RFTN1: variants seen among roughly 807,000 people sequenced by gnomAD.
RFTN1 encodes raftlin.
A neutral mutation model predicts 46.5 loss-of-function variants in RFTN1; 26 were observed. The ratio of observed to expected loss-of-function variants is 0.56; its 90% CI spans 0.41 to 0.78. The LOEUF (loss-of-function observed/expected upper bound fraction) is 0.78, where lower values mean the gene tolerates loss of function less well. Ranked by LOEUF, RFTN1 falls within the 30% of genes least tolerant of loss-of-function variation. The probability of loss-of-function intolerance (pLI) is 0.00; values close to 1 mark genes in which losing one functional copy is unlikely to be tolerated. For missense variants in RFTN1, 693 were observed against 718.7 expected (o/e 0.96, Z 0.41); for synonymous variants, 261 against 284.2 (o/e 0.92, Z 0.82).
chr3:16,392,680 C>CAT (rs56680725), intron 4 of RFTN1, among the ~76,000 whole-genome samples: 1,587 of 150,138 alleles, frequency 0.011, 22 homozygotes, highest in African/African-American at 0.035. Flanking sequence ...CACACACACA[C>CAT]ATATATATAT....
chr3:16,453,968 A>G (rs1559355391), intron 2 of RFTN1, among the ~76,000 whole-genome samples: 1 of 152,222 alleles, frequency 6.6e-6, no homozygotes, highest in Non-Finnish European at 1.5e-5. Flanking sequence ...TCCATATCCC[A>G]GGACTTCCTT....
At chr3:16,492,882 C>T (rs1306971019) in intron 2 of RFTN1, among the ~76,000 whole-genome samples, 1 of 152,236 alleles carries the variant, frequency 6.6e-6, no homozygotes, top group Non-Finnish European at 1.5e-5. Flanking sequence ...ACAGCAGGTG[C>T]TCAGCAAATG....
rs752631378 is a variant in RFTN1, at chr3:16,445,481, T to TCACACACA, written c.146-11445_146-11444insTGTGTGTG. On this transcript the variant is annotated intron_variant, in intron 2 of 9. Transcript: ENST00000334133. ...CTTTCTCTCTTTCTCTCTCTCTCTCTCTCACACACACACACACACACACAC... is the reference window on the plus strand; with the variant it reads ...CTTTCTCTCTTTCTCTCTCTCTCTCTCACACACACTCACACACACACACACACACACAC... Among the ~76,000 whole-genome samples, 259 of 54,992 alleles carry TCACACACA rather than the reference T, an allele frequency of 4.7e-3. 1 individual carries two copies. The highest frequency in any genetic ancestry group is 0.014 in the African/African-American group (190 of 13,668). The allele number at this position is 54,992 out of a possible 152,430, so 36.1% of individuals were successfully genotyped here. A position where few individuals can be genotyped will look rare whatever the true frequency, so the allele number is the denominator to read the frequency against.
intron 1 of RFTN1, among the ~76,000 whole-genome samples, chr3:16,496,592 A>T (rs2124997854): frequency 6.6e-6 from 1 of 152,300 alleles, no homozygotes; most frequent in South Asian, 2.1e-4. Context: ...AAATGTTGGC[A>T]AGGATAAGAA....
In RFTN1 at chr3:16,451,773, A is replaced by G. The variant is rs1231679135; in HGVS notation, c.146-17736T>C. On this transcript the variant is annotated intron_variant, in intron 2 of 9. Coordinates refer to ENST00000334133, the MANE Select transcript of RFTN1 (RefSeq NM_015150.2). The surrounding 1 kb of genome is among the most constrained non-coding windows in gnomAD (Gnocchi z 4.2). ...TCACAATTTCATAGATGGAAGATTC[A>G]TTCTTACCTTAGATCTTAGCAACTT... Among the ~76,000 whole-genome samples, 1 of 152,058 alleles carries G rather than the reference A, an allele frequency of 6.6e-6. No individual in the cohort carries two copies. The highest frequency in any genetic ancestry group is 2.1e-4 in the South Asian group (1 of 4,820).
Position 16,448,323 on chromosome 3 carries a change from C to T in RFTN1, c.146-14286G>A, listed in dbSNP as rs1055276088. Among the ~76,000 whole-genome samples, 1 of 152,044 alleles carries T rather than the reference C, an allele frequency of 6.6e-6. No homozygotes were observed. The highest frequency in any genetic ancestry group is 2.1e-4 in the South Asian group (1 of 4,824). On this transcript the variant is annotated intron_variant, in intron 2 of 9. Coordinates refer to ENST00000334133, the MANE Select transcript of RFTN1 (RefSeq NM_015150.2). This position sits in a 1 kb window ranked among gnomAD's most constrained non-coding sequence, Gnocchi z 4.1. ...CTATTGGACTGCTCTGTCCTAGAAC[C>T]TTTTGTTTTAAACAGATGCATTTTC...
chr3:16,329,591 G>A lies in RFTN1; in HGVS notation c.1147-2715C>T, dbSNP rs1294797477. 1.3e-5 allele frequency among the ~76,000 whole-genome samples: 2 copies of A among 152,124 alleles called. No individual in the cohort carries two copies. Among genetic ancestry groups the A allele is most frequent in the Non-Finnish European group, 2.9e-5 (2 of 68,040 alleles). ...CAGCACAGCCCGTATTCCTCCTGCT[G>A]GGTGCCACGCTCACCACCTGCTGAA... On this transcript the variant is annotated intron_variant, in intron 7 of 9. Transcript: ENST00000334133. This position sits in a 1 kb window ranked among gnomAD's most constrained non-coding sequence, Gnocchi z 4.5.
At position 16,512,104 on chromosome 3, in the gene RFTN1, G is replaced by A. The variant is rs1026128256; in HGVS notation, c.-9+1338C>T. Among the ~76,000 whole-genome samples, 20 of 152,222 alleles carry A rather than the reference G, an allele frequency of 1.3e-4. No individual in the cohort carries two copies. The highest frequency in any genetic ancestry group is 8.3e-4 in the South Asian group (4 of 4,812). The stretch of plus-strand genomic sequence containing the variant: ...CAAAGAGTCCCAAACAGCTTGCTTC[G>A]TAACCCCTCTCTGGGGTTTGGTGAC... On this transcript the variant is annotated intron_variant, in intron 1 of 9. Transcript: ENST00000334133. This position sits in a 1 kb window ranked among gnomAD's most constrained non-coding sequence, Gnocchi z 4.3.
chr3:16,485,866 A>T (rs2076439647), intron 2 of RFTN1, among the ~76,000 whole-genome samples: 1 of 152,248 alleles, frequency 6.6e-6, no homozygotes, highest in South Asian at 2.1e-4. Context: ...TGCGGTGGAT[A>T]AGCTTTGAGT....
In RFTN1 at chr3:16,457,709, T is replaced by TAC. The variant is rs981773498; in HGVS notation, c.146-23674_146-23673dup. On this transcript the variant is annotated intron_variant, in intron 2 of 9. Coordinates refer to ENST00000334133, the MANE Select transcript of RFTN1 (RefSeq NM_015150.2). The surrounding 1 kb of genome is among the most constrained non-coding windows in gnomAD (Gnocchi z 4.2). ...TTCACAGTGGAGCAGGGAATAAGTA[T>TAC]ACACACAACTATTAGACAAAGGAGA... Among the ~76,000 whole-genome samples the TAC allele has an allele frequency of 6.6e-6, 1 of 152,204 alleles. No individual in the cohort carries two copies. Among genetic ancestry groups the TAC allele is most frequent in the African/African-American group, 2.4e-5 (1 of 41,450 alleles).
chr3:16,333,989 C>A (rs2070599767), intron 7 of RFTN1, among the ~76,000 whole-genome samples: 1 of 152,116 alleles, frequency 6.6e-6, no homozygotes, highest in Non-Finnish European at 1.5e-5. Context: ...CACGGTGAAA[C>A]CCCGTCTCTA....
At chr3:16,358,457 T>C (rs1359313205) in intron 6 of RFTN1, among the ~76,000 whole-genome samples, 2 of 151,696 alleles carry the variant, frequency 1.3e-5, no homozygotes, top group Non-Finnish European at 1.5e-5. Context: ...TCTTTTTTTT[T>C]AAAGGGAAGA....
At position 16,457,426 on chromosome 3, in the gene RFTN1, A is replaced by C. The variant is rs1285396837; in HGVS notation, c.146-23389T>G. Reference sequence around the variant, plus strand: ...GTAGGATCTTCATAGGAATCCTATGAAGGGTTACATTTCTAGAACATAGTA... The same window carrying C: ...GTAGGATCTTCATAGGAATCCTATGCAGGGTTACATTTCTAGAACATAGTA... On this transcript the variant is annotated intron_variant, in intron 2 of 9. Transcript: ENST00000334133. The surrounding 1 kb of genome is among the most constrained non-coding windows in gnomAD (Gnocchi z 4.2). Among the ~76,000 whole-genome samples the C allele has an allele frequency of 6.6e-6, 1 of 152,218 alleles. No individual in the cohort carries two copies. The highest frequency in any genetic ancestry group is 6.5e-5 in the Admixed American group (1 of 15,282).
rs1031325828 is a variant in RFTN1 at position 16,321,445 on chromosome 3, A to T, written c.1332+1931T>A. Among the ~76,000 whole-genome samples, 1 of 152,172 alleles carries T rather than the reference A, an allele frequency of 6.6e-6. No homozygotes were observed. The highest frequency in any genetic ancestry group is 1.5e-5 in the Non-Finnish European group (1 of 68,014). ...CCCAACATCCGGGCTGCAAGAGCTC[A>T]GGCATGATGAGGACTAGATGGAGTG... is the stretch of plus-strand genomic sequence containing the variant. On this transcript the variant is annotated intron_variant, in intron 9 of 9. Coordinates refer to ENST00000334133, the MANE Select transcript of RFTN1 (RefSeq NM_015150.2). This position sits in a 1 kb window ranked among gnomAD's most constrained non-coding sequence, Gnocchi z 4.8.
intron 2 of RFTN1, among the ~76,000 whole-genome samples, chr3:16,490,385 A>G (rs1431585133): frequency 6.6e-6 from 1 of 152,174 alleles, no homozygotes; most frequent in Non-Finnish European, 1.5e-5. Flanking sequence ...ACTGAATCAG[A>G]GAAGCAGAGA....
intron 3 of RFTN1, among the ~76,000 whole-genome samples, chr3:16,420,235 G>C (rs1424861899): frequency 1.3e-5 from 2 of 152,186 alleles, no homozygotes; most frequent in Non-Finnish European, 2.9e-5. Context: ...GAAAAGAGGA[G>C]AGCAGCCACA....
Position 16,317,097 on chromosome 3 carries a change from C to T in RFTN1, c.1468G>A (p.Asp490Asn). The T allele has an allele frequency of 1.2e-6, 2 of 1,613,978 alleles. No homozygotes were observed. Residue 490 changes from aspartate to asparagine, a missense_variant, in exon 10 of 10, where the codon GAC (aspartate) becomes AAC (asparagine). Transcript: ENST00000334133. This position sits in a 1 kb window ranked among gnomAD's most constrained non-coding sequence, Gnocchi z 4.3. ...NLEDQSSKAG[D>N]MGNCVSGQQQ... is the part of the protein sequence containing the mutation. ...TGTCCTGAAACACAGTTTCCCATGTCTCCAGCTTTGGAAGACTGGTCTTCT... is the reference window on the plus strand; with the variant it reads ...TGTCCTGAAACACAGTTTCCCATGTTTCCAGCTTTGGAAGACTGGTCTTCT...
rs2071874810 is a variant in RFTN1 at position 16,348,358 on chromosome 3, A to T, written c.1146+9574T>A. The stretch of plus-strand genomic sequence containing the variant: ...ATCCACATTATCCAATATGTGTTCT[A>T]ATTATAAAAAAAAATTAATAGATGT... On this transcript the variant is annotated intron_variant, in intron 7 of 9. Coordinates refer to ENST00000334133, the MANE Select transcript of RFTN1 (RefSeq NM_015150.2). This position sits in a 1 kb window ranked among gnomAD's most constrained non-coding sequence, Gnocchi z 6.3. Among the ~76,000 whole-genome samples the T allele has an allele frequency of 6.7e-6, 1 of 148,246 alleles. No individual in the cohort carries two copies. The highest frequency in any genetic ancestry group is 1.5e-5 in the Non-Finnish European group (1 of 66,634).
intron 8 of RFTN1, among the ~76,000 whole-genome samples, chr3:16,324,694 T>A (rs533038): frequency 0.42 from 57,416 of 136,338 alleles, 12,046 homozygotes; most frequent in East Asian, 0.45. Context: ...GTATTTTATA[T>A]ATATATATCA....
Sources: gnomAD v4.1 joint callset for allele counts (sites outside exome capture counted in the v4.1 genomes callset) on GRCh38, gnomAD v4.1.1 for gene constraint, Gnocchi (gnomAD v3.1) non-coding constraint, MANE v1.5 for transcripts, NCBI Gene and HGNC (gene_info 2026-07-23, HGNC 2026-07-21) for gene names.